The following TBC1D2 variants were observed in gnomAD, a reference collection of about 807,000 sequenced individuals.
TBC1D2 encodes TBC1 domain family member 2A.
In TBC1D2, 58 loss-of-function variants were observed where a neutral mutation model predicts 91.1. The ratio of observed to expected loss-of-function variants is 0.64; its 90% confidence interval spans 0.52 to 0.79. TBC1D2 has a LOEUF of 0.79. Among genes scored for constraint, TBC1D2 ranks in the 30% least tolerant of loss-of-function variants. The pLI is 0.00. For missense variants in TBC1D2, 1,080 were observed against 1,208.3 expected, an observed-to-expected ratio of 0.89 and a Z score of 1.57; for synonymous variants, 482 against 511.5, an observed-to-expected ratio of 0.94 and a Z score of 0.78.
chr9:98,208,875 G>A lies in TBC1D2; in HGVS notation c.1943C>T (p.Thr648Ile). Residue 648 changes from threonine (T) to isoleucine (I), a missense_variant, in exon 9 of 13, where the codon ACT (threonine) becomes ATT (isoleucine). Thr to Ile is a moderately conservative substitution (Grantham distance 89, BLOSUM62 -1). Coordinates refer to ENST00000465784, the MANE Select transcript of TBC1D2 (RefSeq NM_001267571.2). ...CAGCAGTTCCTGGTAGCAGCCTGGA[G>A]TGTGCAGGTGCTGGACACGGAGGTG... is the stretch of plus-strand genomic sequence containing the variant. ...LVHLRVQHLH[T>I]PGCYQELLSR... 1.2e-6 allele frequency: 2 copies of A among 1,614,136 alleles called. No individual in the cohort carries two copies. The highest frequency in any genetic ancestry group is 1.7e-5 in the Admixed American group (1 of 60,024).
At chr9:98,200,862 A>G (rs1828476913) in intron 11 of TBC1D2, among the ~76,000 whole-genome samples, 2 of 152,070 alleles carry the variant, frequency 1.3e-5, no homozygotes, top group Admixed American at 1.3e-4. Flanking sequence ...CTAAAAATAC[A>G]AAAATTAGCC....
At chr9:98,210,356 C>T (rs554475384) in intron 8 of TBC1D2, among the ~76,000 whole-genome samples, 8 of 152,298 alleles carry the variant, frequency 5.3e-5, no homozygotes, top group East Asian at 3.9e-4. Context: ...TGTCTCCCCT[C>T]GTCCCCTCTC....
intron 6 of TBC1D2, among the ~76,000 whole-genome samples, chr9:98,218,148 G>C (rs1430757705): frequency 6.6e-6 from 1 of 152,046 alleles, no homozygotes. Flanking sequence ...ACCCATGCCT[G>C]GCCTTATGCA....
chr9:98,251,776 A>G lies in TBC1D2; in HGVS notation c.511+9T>C, dbSNP rs1829878154. On this transcript the variant is annotated intron_variant, in intron 2 of 12. Transcript: ENST00000465784. ...GGGTGTGCAGGCAGGAGGGTAGCCC[A>G]TTGGGTACCTAGCTCGAGGTGCAGG... 1 of 1,575,368 alleles carries G rather than the reference A, an allele frequency of 6.3e-7. No individual in the cohort carries two copies. Among genetic ancestry groups the G allele is most frequent in the Non-Finnish European group, 8.6e-7 (1 of 1,162,928 alleles).
intron 4 of TBC1D2, 64 bp downstream of exon 4, chr9:98,233,352 G>A: frequency 6.5e-7 from 1 of 1,544,872 alleles, no homozygotes; most frequent in South Asian, 1.2e-5. Flanking sequence ...AAGGAAAGAA[G>A]GCACTTGTGC....
At position 98,228,265 on chromosome 9, in the gene TBC1D2, C is replaced by T. The variant is rs550525872; in HGVS notation, c.978+687G>A. Among the ~76,000 whole-genome samples, 12 of 152,366 alleles carry T rather than the reference C, an allele frequency of 7.9e-5. No individual in the cohort carries two copies. The highest frequency in any genetic ancestry group is 5.9e-4 in the Admixed American group (9 of 15,302). ...GGCTCCCGCCCGGAGCTGCAGCCCT[C>T]TCACATCTTTGCCCTGGGACCCTCA... On this transcript the variant is annotated intron_variant, in intron 5 of 12. Transcript: ENST00000465784. This position sits in a 1 kb window ranked among gnomAD's most constrained non-coding sequence, Gnocchi z 4.0.
chr9:98,226,550 C>A (rs1332356854), intron 5 of TBC1D2, among the ~76,000 whole-genome samples: 1 of 152,170 alleles, frequency 6.6e-6, no homozygotes, highest in Non-Finnish European at 1.5e-5. Context: ...TTGCTTAGGG[C>A]CAGAATTTGA....
At chr9:98,233,571 G>A (rs1829426831) in intron 3 of TBC1D2, 22 bp from the exon 4 acceptor site, 2 of 1,613,062 alleles carry the variant, frequency 1.2e-6, no homozygotes, top group African/African-American at 2.7e-5. Context: ...CAAGAACAGA[G>A]GAGCATGAGG....
At chr9:98,253,850 A>G (rs1008773506) in intron 1 of TBC1D2, among the ~76,000 whole-genome samples, 5 of 152,196 alleles carry the variant, frequency 3.3e-5, no homozygotes, top group East Asian at 1.9e-4. Flanking sequence ...CTCTCCCACC[A>G]GACTTTAAGC....
chr9:98,211,075 G>C (rs1217057283), intron 7 of TBC1D2, among the ~76,000 whole-genome samples: 1 of 152,270 alleles, frequency 6.6e-6, no homozygotes, highest in African/African-American at 2.4e-5. Flanking sequence ...AGAAAGAGGA[G>C]AGGGGTGTGC....
chr9:98,221,169 G>A lies in TBC1D2; in HGVS notation c.1038C>T (p.Ser346=). The change falls in exon 6 of 13, where the codon TCC becomes TCT. Residue 346 remains serine (S), a synonymous_variant. Transcript: ENST00000465784. ...LEAAQQEKRA[S]SAYLAAAEDK... is the part of the protein sequence containing the mutation. Reference sequence around the variant, plus strand: ...CCTCAGCCGCCGCCAGGTATGCGCTGGACGCCCGCTTCTCCTGCTGGGCGG... The same window carrying A: ...CCTCAGCCGCCGCCAGGTATGCGCTAGACGCCCGCTTCTCCTGCTGGGCGG... 6.4e-7 allele frequency: 1 copy of A among 1,564,350 alleles called. No individual in the cohort carries two copies. The highest frequency in any genetic ancestry group is 8.7e-7 in the Non-Finnish European group (1 of 1,154,562).
intron 11 of TBC1D2, among the ~76,000 whole-genome samples, 193 bp from the exon 12 acceptor site, chr9:98,200,567 G>C (rs904360153): frequency 6.6e-6 from 1 of 151,990 alleles, no homozygotes; most frequent in Non-Finnish European, 1.5e-5. Context: ...GGGGTGGTGG[G>C]GGGGCGGGGG....
At chr9:98,245,080 A>T (rs971756015) in intron 2 of TBC1D2, among the ~76,000 whole-genome samples, 2 of 151,734 alleles carry the variant, frequency 1.3e-5, no homozygotes, top group Admixed American at 1.3e-4. Context: ...CTCTACTAAA[A>T]ATACAAAAAA....
chr9:98,209,116 C>T lies in TBC1D2; in HGVS notation c.1702G>A (p.Val568Met). 1 of 1,613,930 alleles carries T rather than the reference C, an allele frequency of 6.2e-7. No homozygotes were observed. Among genetic ancestry groups the T allele is most frequent in the Non-Finnish European group, 8.5e-7 (1 of 1,179,868 alleles). The change falls in exon 9 of 13, where the codon GTG becomes ATG. Residue 568 changes from valine (V) to methionine (M), a missense_variant. Val to Met is a conservative substitution (Grantham distance 21). Coordinates refer to ENST00000465784, the MANE Select transcript of TBC1D2 (RefSeq NM_001267571.2). ...AGGTCTTCCACCTCATAGTCGGGCA[C>T]CGTCAGGAAGCCGTACTCATCATAC... ...SKYDEYGFLT[V>M]PDYEVEDLKL... is the part of the protein sequence containing the mutation.
chr9:98,212,795 C>G (rs905686318), intron 7 of TBC1D2, among the ~76,000 whole-genome samples: 11 of 152,206 alleles, frequency 7.2e-5, no homozygotes, highest in Non-Finnish European at 1.2e-4. Context: ...TGAGCCACCA[C>G]GCCTGGCCCC....
chr9:98,252,792 G>A (rs78948169), intron 1 of TBC1D2, among the ~76,000 whole-genome samples: 2,484 of 152,240 alleles, frequency 0.016, 65 homozygotes, highest in African/African-American at 0.057. Flanking sequence ...AGCTCACCGG[G>A]CGTGGATGGG....
Position 98,213,163 on chromosome 9 carries a change from T to G in TBC1D2, c.1430A>C (p.Gln477Pro), listed in dbSNP as rs1224505266. ...QNCFLNSEIH[Q>P]VTKIWRKVAE... is the part of the protein sequence containing the mutation. ...CACCTTTCTCCAGATCTTTGTGACC[T>G]GGTGGATCTCGGAGTTGAGGAAGCA... is the stretch of plus-strand genomic sequence containing the variant. The change falls in exon 7 of 13, where the codon CAG becomes CCG. Residue 477 changes from glutamine (Q) to proline (P), a missense_variant. Transcript: ENST00000465784. 1 of 1,614,144 alleles carries G rather than the reference T, an allele frequency of 6.2e-7. No homozygotes were observed. The highest frequency in any genetic ancestry group is 2.2e-5 in the East Asian group (1 of 44,880).
chr9:98,244,955 A>G (rs1417461132), intron 2 of TBC1D2, among the ~76,000 whole-genome samples: 7 of 152,120 alleles, frequency 4.6e-5, no homozygotes, highest in Non-Finnish European at 7.4e-5. Context: ...TTAAAAAAAA[A>G]TTGGGCCGGG....
chr9:98,255,136 C>T (rs1245446047), intron 1 of TBC1D2, 37 bp downstream of exon 1: 1 of 1,569,938 alleles, frequency 6.4e-7, no homozygotes. Flanking sequence ...GGGGACCTCA[C>T]GCCGCTGGAA....
Sources: gnomAD v4.1 joint callset for allele counts (sites outside exome capture counted in the v4.1 genomes callset) on GRCh38, gnomAD v4.1.1 for gene constraint, Gnocchi (gnomAD v3.1) non-coding constraint, MANE v1.5 for transcripts, NCBI Gene and HGNC (gene_info 2026-07-23, HGNC 2026-07-21) for gene names.